The following MAF variants were observed in gnomAD, a reference collection of about 807,000 sequenced individuals.
The protein encoded by MAF is MAF bZIP transcription factor, also known as transcription factor Maf.
In MAF, 10 loss-of-function variants were observed where a neutral mutation model predicts 22.0. That is an observed-to-expected ratio of 0.45 (90% CI 0.28 to 0.77). The LOEUF (loss-of-function observed/expected upper bound fraction) is 0.77, where lower values mean the gene tolerates loss of function less well. Ranked by LOEUF, MAF falls within the 30% of genes least tolerant of loss-of-function variation. The pLI, the probability that MAF is intolerant of heterozygous loss-of-function variation, is 0.12. For synonymous variants in MAF, 337 were observed against 255.8 expected, an observed-to-expected ratio of 1.32 and a Z score of -3.03; for missense variants, 544 against 548.4, an observed-to-expected ratio of 0.99 and a Z score of 0.08.
the MAF span, among the ~76,000 whole-genome samples, chr16:79,483,435 G>C: frequency 6.6e-6 from 1 of 150,930 alleles, no homozygotes; most frequent in Non-Finnish European, 1.5e-5. Context: ...GAAGTGAAGG[G>C]AAGACCCAAA....
At chr16:79,546,221 T>C in the MAF span, among the ~76,000 whole-genome samples, 5 of 152,136 alleles carry the variant, frequency 3.3e-5, no homozygotes, top group African/African-American at 4.8e-5. Flanking sequence ...TATGTCCACC[T>C]TATAAAATAA....
chr16:79,304,543 C>T, the MAF span, among the ~76,000 whole-genome samples: 4 of 151,984 alleles, frequency 2.6e-5, no homozygotes, highest in Non-Finnish European at 5.9e-5. Flanking sequence ...CCAGAACTAG[C>T]CCTTTTGATT....
At chr16:79,511,054 C>G in the MAF span, among the ~76,000 whole-genome samples, 1 of 152,008 alleles carries the variant, frequency 6.6e-6, no homozygotes, top group African/African-American at 2.4e-5. Context: ...AGCTGGGAGG[C>G]CAGAAAGCAG....
At chr16:79,405,114 G>A in the MAF span, among the ~76,000 whole-genome samples, 1 of 152,190 alleles carries the variant, frequency 6.6e-6, no homozygotes, top group East Asian at 1.9e-4. Flanking sequence ...ACTCCCATAT[G>A]CAGCAGTATG....
the MAF span, among the ~76,000 whole-genome samples, chr16:79,218,131 T>C: frequency 3.3e-5 from 5 of 151,964 alleles, no homozygotes; most frequent in African/African-American, 1.2e-4. Context: ...CAAATTATTA[T>C]TCATATAATC....
At chr16:79,561,268 T>G in the MAF span, among the ~76,000 whole-genome samples, 1 of 152,154 alleles carries the variant, frequency 6.6e-6, no homozygotes, top group African/African-American at 2.4e-5. Flanking sequence ...AGATGTCCTT[T>G]ATTAAGTGAT....
Position 79,594,149 on chromosome 16 carries a change from A to G in MAF, c.*311T>C, listed in dbSNP as rs1913357037. Reference sequence around the variant, plus strand: ...TGCATTCCGGGAAACTTTCCATTATATATATGCATATATATGTATCTTTGT... The same window carrying G: ...TGCATTCCGGGAAACTTTCCATTATGTATATGCATATATATGTATCTTTGT... On this transcript the variant is annotated 3_prime_UTR_variant, in exon 2 of 2. Coordinates refer to ENST00000326043, the MANE Select transcript of MAF (RefSeq NM_005360.5). 1 of 363,038 alleles carries G rather than the reference A, an allele frequency of 2.8e-6. No individual in the cohort carries two copies. Among genetic ancestry groups the G allele is most frequent in the South Asian group, 4.1e-5 (1 of 24,310 alleles). 22.5% of individuals were successfully genotyped at this position (363,038 alleles called of 1,614,324 possible).
the MAF span, chr16:79,212,205 G>A: frequency 2.1e-6 from 3 of 1,446,170 alleles, no homozygotes; most frequent in Non-Finnish European, 2.7e-6. Context: ...TCCTACTTAG[G>A]GAAGAAAAAG....
chr16:79,319,359 C>T, the MAF span, among the ~76,000 whole-genome samples: 1 of 152,304 alleles, frequency 6.6e-6, no homozygotes, highest in Non-Finnish European at 1.5e-5. Flanking sequence ...TTTAGAAGTT[C>T]TATGGATCAA....
At chr16:79,477,542 A>G in the MAF span, among the ~76,000 whole-genome samples, 22 of 152,314 alleles carry the variant, frequency 1.4e-4, no homozygotes, top group Middle Eastern at 3.4e-3. Context: ...TTTGTACCAC[A>G]TGACAAGCAT....
chr16:79,576,901 T>A, the MAF span, among the ~76,000 whole-genome samples: 1 of 152,228 alleles, frequency 6.6e-6, no homozygotes, highest in Non-Finnish European at 1.5e-5. Context: ...TTAGTGTTAC[T>A]ACAGATTTTG....
At chr16:79,387,209 C>T in the MAF span, among the ~76,000 whole-genome samples, 1 of 152,190 alleles carries the variant, frequency 6.6e-6, no homozygotes, top group Non-Finnish European at 1.5e-5. Context: ...AACAGTGGTG[C>T]CCTCCATGAA....
chr16:79,277,074 G>A, the MAF span, among the ~76,000 whole-genome samples: 8 of 152,128 alleles, frequency 5.3e-5, no homozygotes, highest in East Asian at 1.5e-3. Context: ...GTCTCACTCT[G>A]TGCCCCAGGC....
the MAF span, among the ~76,000 whole-genome samples, chr16:79,556,567 T>A: frequency 2.6e-5 from 4 of 152,212 alleles, no homozygotes; most frequent in African/African-American, 9.7e-5. Flanking sequence ...GTTGGTGGTA[T>A]TTTCTGATGA....
chr16:79,522,605 C>A, the MAF span, among the ~76,000 whole-genome samples: 1 of 152,136 alleles, frequency 6.6e-6, no homozygotes, highest in East Asian at 1.9e-4. Flanking sequence ...GCCAGGGAGA[C>A]AAATGCATGC....
At chr16:79,517,019 A>G in the MAF span, among the ~76,000 whole-genome samples, 2 of 152,128 alleles carry the variant, frequency 1.3e-5, no homozygotes, top group African/African-American at 4.8e-5. Context: ...TGGAACCCCA[A>G]GTTTTTTTAT....
At chr16:79,529,083 C>G in the MAF span, among the ~76,000 whole-genome samples, 1 of 152,194 alleles carries the variant, frequency 6.6e-6, no homozygotes, top group Admixed American at 6.5e-5. Flanking sequence ...TTTTCTCCCA[C>G]CTGAACATAA....
chr16:79,550,394 T>C, the MAF span, among the ~76,000 whole-genome samples: 1 of 152,084 alleles, frequency 6.6e-6, no homozygotes, highest in African/African-American at 2.4e-5. Context: ...CTCTCAACTC[T>C]TGGTCCACCA....
the MAF span, among the ~76,000 whole-genome samples, chr16:79,508,310 G>T: frequency 6.6e-6 from 1 of 152,154 alleles, no homozygotes; most frequent in Non-Finnish European, 1.5e-5. Context: ...AATGGGGAGT[G>T]TTCGCAGGAG....
Sources: gnomAD v4.1 joint callset for allele counts (sites outside exome capture counted in the v4.1 genomes callset) on GRCh38, gnomAD v4.1.1 for gene constraint, MANE v1.5 for transcripts, NCBI Gene and HGNC (gene_info 2026-07-23, HGNC 2026-07-21) for gene names.